NCR1: variants seen among roughly 807,000 people sequenced by gnomAD.
NCR1 encodes the protein NK cell-activating receptor.
NCR1 carries 30 observed loss-of-function variants against 32.5 expected under a neutral mutation model. That is an observed-to-expected ratio of 0.92 (90% confidence interval 0.69 to 1.25). The LOEUF (loss-of-function observed/expected upper bound fraction) is 1.25, where lower values mean the gene tolerates loss of function less well. Among genes scored for constraint, NCR1 ranks in the 50% most tolerant of loss-of-function variants. The pLI, the probability that NCR1 is intolerant of heterozygous loss-of-function variation, is 0.00. For missense variants in NCR1, 369 were observed against 380.7 expected (o/e 0.97, Z 0.26); for synonymous variants, 169 against 143.4 (o/e 1.18, Z -1.28).
Position 54,909,446 on chromosome 19 carries a change from G to A in NCR1, c.557G>A (p.Gly186Glu). 6.2e-7 allele frequency: 1 copy of A among 1,612,696 alleles called. No individual in the cohort carries two copies. Among genetic ancestry groups the A allele is most frequent in the Non-Finnish European group, 8.5e-7 (1 of 1,180,004 alleles). Residue 186 changes from glycine (G) to glutamate (E), a missense_variant, in exon 4 of 7, where the codon GGG (glycine) becomes GAG (glutamate). Coordinates refer to ENST00000291890, the MANE Select transcript of NCR1 (RefSeq NM_004829.7). ...GGCCCTGTGACCACAGCCCACAGAG[G>A]GACATACCGATGTTTTGGCTCCTAT... The part of the protein sequence containing the change: ...PLGPVTTAHR[G>E]TYRCFGSYNN...
At chr19:54,906,393 A>C in intron 2 of NCR1, 59 bp downstream of exon 2, 1 of 1,607,052 alleles carries the variant, frequency 6.2e-7, no homozygotes, top group Non-Finnish European at 8.5e-7. Context: ...AGCTCCTTCC[A>C]CCCAAGCACG....
At chr19:54,930,232 C>T in the NCR1 span, among the ~76,000 whole-genome samples, 1 of 151,834 alleles carries the variant, frequency 6.6e-6, no homozygotes, top group Non-Finnish European at 1.5e-5. Context: ...ATTGGGAGGC[C>T]GAGGTGGGAG....
upstream of NCR1, among the ~76,000 whole-genome samples, chr19:54,903,087 A>C (rs932584209): frequency 6.6e-6 from 1 of 151,854 alleles, no homozygotes; most frequent in Non-Finnish European, 1.5e-5. Flanking sequence ...CTGAGATTGC[A>C]CCACTGCACC....
intron 6 of NCR1, 50 bp from the exon 7 acceptor site, chr19:54,912,640 A>AGGGT: frequency 1.9e-6 from 1 of 522,358 alleles, no homozygotes; most frequent in Non-Finnish European, 3.3e-6. Flanking sequence ...AAAAAAAAAG[A>AGGGT]GGGTGTCCTT....
At chr19:54,902,808 A>G (rs973465437), upstream of NCR1, among the ~76,000 whole-genome samples, 9 of 151,728 alleles carry the variant, frequency 5.9e-5, no homozygotes, top group Admixed American at 3.9e-4. Flanking sequence ...GGGAAACGCC[A>G]GCACCGAGTA....
At chr19:54,911,877 C>A (rs2067993531) in intron 5 of NCR1, among the ~76,000 whole-genome samples, 1 of 151,746 alleles carries the variant, frequency 6.6e-6, no homozygotes, top group African/African-American at 2.4e-5. Flanking sequence ...GCCTGTAGTC[C>A]CAGCTACTCC....
the NCR1 span, among the ~76,000 whole-genome samples, chr19:54,925,727 G>A: frequency 0.016 from 2,465 of 152,098 alleles, 59 homozygotes; most frequent in African/African-American, 0.056. Context: ...GGCCGGGCGC[G>A]GTGGCTCACG....
chr19:54,903,375 C>CATGTATGTATATACATATATGTAT (rs1569535561), upstream of NCR1, among the ~76,000 whole-genome samples: 1 of 119,104 alleles, frequency 8.4e-6, no homozygotes, highest in Non-Finnish European at 1.7e-5. Flanking sequence ...TGTATATATA[C>CATGTATGTATATACATATATGTAT]ATGTATGTAT....
chr19:54,909,454 C>G lies in NCR1; in HGVS notation c.565C>G (p.Arg189Gly). ...GACCACAGCCCACAGAGGGACATAC[C>G]GATGTTTTGGCTCCTATAACAACCA... ...PVTTAHRGTY[R>G]CFGSYNNHAW... The change falls in exon 4 of 7, where the codon CGA becomes GGA. Residue 189 changes from arginine (R) to glycine (G), a missense_variant. By Grantham distance (125) the Arg-to-Gly change is moderately radical. Coordinates refer to ENST00000291890, the MANE Select transcript of NCR1 (RefSeq NM_004829.7). 6.2e-7 allele frequency: 1 copy of G among 1,612,442 alleles called. No homozygotes were observed. Among genetic ancestry groups the G allele is most frequent in the Non-Finnish European group, 8.5e-7 (1 of 1,179,994 alleles).
chr19:54,920,319 G>A (rs140644171), downstream of NCR1, among the ~76,000 whole-genome samples: 192 of 152,206 alleles, frequency 1.3e-3, 2 homozygotes, highest in Non-Finnish European at 2.8e-4. Context: ...TTGCAGTGGG[G>A]GCAGGCTCAG....
chr19:54,917,918 C>T (rs995562028), downstream of NCR1, among the ~76,000 whole-genome samples: 1 of 152,094 alleles, frequency 6.6e-6, no homozygotes, highest in African/African-American at 2.4e-5. Context: ...CCAGTCTCAG[C>T]CTACGTAAGA....
At chr19:54,906,242 G>C in intron 1 of NCR1, 21 bp downstream of exon 1, 1 of 1,614,200 alleles carries the variant, frequency 6.2e-7, no homozygotes, top group Non-Finnish European at 8.5e-7. Context: ...GCGTGGAAGG[G>C]GAATGGGATC....
upstream of NCR1, among the ~76,000 whole-genome samples, chr19:54,903,576 A>G (rs587762576): frequency 2.9e-4 from 43 of 149,172 alleles, 3 homozygotes; most frequent in African/African-American, 4.4e-4. Context: ...ATGTGTATAT[A>G]TACGCATATA....
At chr19:54,914,820 A>G (rs2068100767), downstream of NCR1, among the ~76,000 whole-genome samples, 1 of 151,272 alleles carries the variant, frequency 6.6e-6, no homozygotes, top group African/African-American at 2.4e-5. Context: ...GCTCACTGCA[A>G]CCTTCGCCTC....
At chr19:54,903,929 C>G (rs2067384532), upstream of NCR1, among the ~76,000 whole-genome samples, 1 of 151,150 alleles carries the variant, frequency 6.6e-6, no homozygotes, top group Admixed American at 6.6e-5. Flanking sequence ...AGTTGGAGAC[C>G]ATCCTGGCCA....
At chr19:54,932,056 A>G in the NCR1 span, among the ~76,000 whole-genome samples, 104,885 of 152,010 alleles carry the variant, frequency 0.69, 37,439 homozygotes, top group African/African-American at 0.87. Context: ...CACATTCTAC[A>G]TATATAGGGG....
chr19:54,927,606 T>C, the NCR1 span: 1 of 1,613,730 alleles, frequency 6.2e-7, no homozygotes, highest in East Asian at 2.2e-5. Flanking sequence ...AACCCATACC[T>C]GAGTATCTTC....
the NCR1 span, among the ~76,000 whole-genome samples, chr19:54,898,355 G>T: frequency 1.3e-5 from 2 of 152,208 alleles, no homozygotes; most frequent in Admixed American, 6.5e-5. Context: ...GCAAGCTCCT[G>T]GGGGAAGAGG....
downstream of NCR1, among the ~76,000 whole-genome samples, chr19:54,919,714 A>ACCCCCCCCC (rs58529355): frequency 1.5e-4 from 15 of 100,016 alleles, no homozygotes; most frequent in African/African-American, 2.6e-4. Context: ...GGAAAGGGAG[A>ACCCCCCCCC]CCCCCCCCCC....
Sources: gnomAD v4.1 joint callset for allele counts (sites outside exome capture counted in the v4.1 genomes callset) on GRCh38, gnomAD v4.1.1 for gene constraint, MANE v1.5 for transcripts, NCBI Gene and HGNC (gene_info 2026-07-23, HGNC 2026-07-21) for gene names.